HEMGN: variants seen among roughly 807,000 people sequenced by gnomAD.
HEMGN encodes erythroid differentiation-associated gene protein.
Under a neutral mutation model 45.7 loss-of-function variants are expected in HEMGN, and 32 were observed. The observed-to-expected ratio is 0.70, with a 90% CI of 0.53 to 0.94. The LOEUF (loss-of-function observed/expected upper bound fraction) is 0.94, where lower values mean the gene tolerates loss of function less well. Ranked by LOEUF, HEMGN falls within the 40% of genes least tolerant of loss-of-function variation. HEMGN has a pLI of 0.00. For missense variants in HEMGN, 530 were observed against 564.2 expected (o/e 0.94, Z 0.61); for synonymous variants, 183 against 178.6 (o/e 1.02, Z -0.20).
upstream of HEMGN, among the ~76,000 whole-genome samples, chr9:97,942,010 G>A (rs887701646): frequency 4.6e-5 from 7 of 152,180 alleles, no homozygotes; most frequent in Non-Finnish European, 7.3e-5. Flanking sequence ...GGGACCCATG[G>A]CAAAATGAAG....
chr9:97,943,155 G>A (rs1827176498), upstream of HEMGN, among the ~76,000 whole-genome samples: 1 of 152,150 alleles, frequency 6.6e-6, no homozygotes, highest in Admixed American at 6.5e-5. Context: ...AAGAGATCAT[G>A]GGAGCTTTTT....
At chr9:97,932,483 C>G (rs1826972987) in intron 2 of HEMGN, among the ~76,000 whole-genome samples, 2 of 152,044 alleles carry the variant, frequency 1.3e-5, no homozygotes. Flanking sequence ...ACAGAGCAGT[C>G]TAAAATAATA....
At chr9:97,934,775 A>C (rs1472318004) in intron 2 of HEMGN, among the ~76,000 whole-genome samples, 1 of 152,202 alleles carries the variant, frequency 6.6e-6, no homozygotes, top group Non-Finnish European at 1.5e-5. Flanking sequence ...ACACTAACTA[A>C]AACAATAATT....
At chr9:97,939,086 G>A (rs960228583), upstream of HEMGN, among the ~76,000 whole-genome samples, 2 of 152,188 alleles carry the variant, frequency 1.3e-5, no homozygotes, top group Non-Finnish European at 2.9e-5. Flanking sequence ...GATACAGGAA[G>A]CCAGTCTGGG....
Position 97,930,356 on chromosome 9 carries a change from G to T in HEMGN, c.1039C>A (p.Pro347Thr), listed in dbSNP as rs201694228. Residue 347 changes from proline (P) to threonine (T), a missense_variant, in exon 3 of 4, where the codon CCT becomes ACT. By Grantham distance (38) the Pro-to-Thr change is conservative. Transcript: ENST00000616898. ...TCAATTGAATAGTCTTCAGAATGAG[G>T]TGTTTCTTGGATTGTTTTATGAGAG... is the stretch of plus-strand genomic sequence containing the variant. Reference protein sequence around the residue: ...APSHKTIQETPHSEDYSIEIN... With the variant: ...APSHKTIQETTHSEDYSIEIN... 6.2e-6 allele frequency: 10 copies of T among 1,613,498 alleles called. No individual in the cohort carries two copies. In the African/African-American group the frequency reaches 1.1e-4, roughly 17 times the overall value.
intron 2 of HEMGN, among the ~76,000 whole-genome samples, chr9:97,933,111 C>CTCTCAT (rs1163745207): frequency 6.6e-6 from 1 of 152,124 alleles, no homozygotes; most frequent in East Asian, 1.9e-4. Flanking sequence ...AGTCTGTACT[C>CTCTCAT]TCTCATGGTT....
Position 97,931,003 on chromosome 9 carries a change from TC to T in HEMGN, c.391del (p.Glu131AsnfsTer23). 6.2e-7 allele frequency: 1 copy of T among 1,614,174 alleles called. No homozygotes were observed. The highest frequency in any genetic ancestry group is 1.1e-5 in the South Asian group (1 of 91,074). ...TTCTTGACATATTTCAGAAAAGTGT[TC>T]CTCAGGCACAACTTTTTGCGGGGAG... is the stretch of plus-strand genomic sequence containing the variant. ...VASPQKVVPE[E>X]HFSEICQESN... On this transcript the variant is annotated frameshift_variant, in exon 3 of 4. Coordinates refer to ENST00000616898, the MANE Select transcript of HEMGN (RefSeq NM_197978.3). LOFTEE classifies it high-confidence loss of function.
intron 3 of HEMGN, among the ~76,000 whole-genome samples, chr9:97,928,246 T>A (rs1826869789): frequency 6.6e-6 from 1 of 152,108 alleles, no homozygotes; most frequent in Non-Finnish European, 1.5e-5. Flanking sequence ...CAGAATGGTC[T>A]CGATCTCCTG....
At chr9:97,929,233 A>C (rs957787045) in intron 3 of HEMGN, among the ~76,000 whole-genome samples, 1 of 152,186 alleles carries the variant, frequency 6.6e-6, no homozygotes, top group African/African-American at 2.4e-5. Context: ...CTTTTGCTGC[A>C]ATGTATTTCT....
chr9:97,928,115 C>A (rs984374113), intron 3 of HEMGN, among the ~76,000 whole-genome samples: 2 of 151,654 alleles, frequency 1.3e-5, no homozygotes, highest in Non-Finnish European at 2.9e-5. Flanking sequence ...CAAGCTCCGC[C>A]TCCCGGGTTC....
chr9:97,940,551 C>T (rs1019411029), upstream of HEMGN, among the ~76,000 whole-genome samples: 2 of 152,040 alleles, frequency 1.3e-5, no homozygotes, highest in Non-Finnish European at 2.9e-5. Context: ...AAGTAGCCTA[C>T]AGTAAGTTTA....
chr9:97,932,348 C>T (rs913118685), intron 2 of HEMGN, among the ~76,000 whole-genome samples: 4 of 151,768 alleles, frequency 2.6e-5, no homozygotes, highest in African/African-American at 4.8e-5. Flanking sequence ...TTGAAATTTC[C>T]GTTGTAAAAA....
intron 3 of HEMGN, among the ~76,000 whole-genome samples, chr9:97,928,289 G>C (rs984563665): frequency 6.6e-6 from 1 of 151,728 alleles, no homozygotes; most frequent in Non-Finnish European, 1.5e-5. Flanking sequence ...GCCTCCCAAC[G>C]TGCTGGGATT....
rs1264404091 is a variant in HEMGN at position 97,927,244 on chromosome 9, A to C, written c.*140T>G. ...ATGTGGTAGAGCCTTAAAAAATGTT[A>C]TTTCTTTCAGATATGGTCTACAAAT... On this transcript the variant is annotated 3_prime_UTR_variant, in exon 4 of 4. Transcript: ENST00000616898. 3 of 554,052 alleles carry C rather than the reference A, an allele frequency of 5.4e-6. No individual in the cohort carries two copies. Among genetic ancestry groups the C allele is most frequent in the Non-Finnish European group, 9.6e-6 (3 of 312,340 alleles). 34.3% of individuals were successfully genotyped at this position (554,052 alleles called of 1,614,324 possible). A position where few individuals can be genotyped will look rare whatever the true frequency, so the allele number is the denominator to read the frequency against.
chr9:97,940,717 A>G (rs930893782), upstream of HEMGN, among the ~76,000 whole-genome samples: 6 of 152,204 alleles, frequency 3.9e-5, no homozygotes, highest in African/African-American at 1.4e-4. Flanking sequence ...TTGCATATAT[A>G]CATAAACCTC....
At chr9:97,938,383 T>C (rs558246279), upstream of HEMGN, 128 of 407,454 alleles carry the variant, frequency 3.1e-4, no homozygotes, top group Admixed American at 1.9e-3. Flanking sequence ...CTAGCATAGG[T>C]TGCTATTTAT....
upstream of HEMGN, among the ~76,000 whole-genome samples, chr9:97,943,009 A>C (rs1241751056): frequency 6.6e-6 from 1 of 152,224 alleles, no homozygotes; most frequent in East Asian, 1.9e-4. Flanking sequence ...TACACTGAAA[A>C]GAATGAGGGG....
In HEMGN at chr9:97,930,043, A is replaced by G. The variant is rs200368619; in HGVS notation, c.1352T>C (p.Phe451Ser). The change falls in exon 3 of 4, where the codon TTT becomes TCT. Residue 451 changes from phenylalanine to serine, a missense_variant. Transcript: ENST00000616898. ...HQEDAKDAYTFPQEMKEKPKE... is the reference protein window; with the variant it reads ...HQEDAKDAYTSPQEMKEKPKE... ...CTATAAACAGCCCTTACCTTGAGGA[A>G]AAGTATAAGCATCTTTAGCATCTTC... The G allele has an allele frequency of 8.3e-5, 134 of 1,612,348 alleles. No homozygotes were observed. The highest frequency in any genetic ancestry group is 6.5e-4 in the South Asian group (59 of 90,826).
Position 97,938,104 on chromosome 9 carries a change from C to A in HEMGN, c.33G>T (p.Lys11Asn). 6.2e-7 allele frequency: 1 copy of A among 1,612,940 alleles called. No homozygotes were observed. ...GATGAGGGTCAGGTGTCTGATGGTG[C>A]TTCAAATGAGATTGGTCCTTTCCCA... MDLGKDQSHL[K>N]HHQTPDPHQE... is the part of the protein sequence containing the mutation. The change falls in exon 1 of 4, where the codon AAG (lysine) becomes AAT (asparagine). Residue 11 changes from lysine to asparagine, a missense_variant. Transcript: ENST00000616898.
Sources: gnomAD v4.1 joint callset for allele counts (sites outside exome capture counted in the v4.1 genomes callset) on GRCh38, gnomAD v4.1.1 for gene constraint, MANE v1.5 for transcripts, NCBI Gene and HGNC (gene_info 2026-07-23, HGNC 2026-07-21) for gene names.